KIF24: variants seen among roughly 807,000 people sequenced by gnomAD.
KIF24 encodes the protein kinesin family member 24, also known as kinesin-like protein KIF24.
In KIF24, 81 loss-of-function variants were observed where a neutral mutation model predicts 118.9. The observed-to-expected ratio is 0.68, with a 90% CI of 0.57 to 0.82. The LOEUF (loss-of-function observed/expected upper bound fraction) is 0.82, where lower values mean the gene tolerates loss of function less well. KIF24 is among the 40% of genes least tolerant of loss of function. The pLI, the probability that KIF24 is intolerant of heterozygous loss-of-function variation, is 0.00. For missense variants in KIF24, 1,560 were observed against 1,661.6 expected (o/e 0.94, Z 1.06); for synonymous variants, 599 against 610.0 (o/e 0.98, Z 0.27).
At position 34,290,336 on chromosome 9, in the gene KIF24, G is replaced by A. The variant is rs1417885222; in HGVS notation, c.965C>T (p.Thr322Ile). 2 of 1,613,738 alleles carry A rather than the reference G, an allele frequency of 1.2e-6. No homozygotes were observed. The highest frequency in any genetic ancestry group is 1.3e-5 in the African/African-American group (1 of 74,924). The change falls in exon 5 of 13, where the codon ACC (threonine) becomes ATC (isoleucine). Residue 322 changes from threonine to isoleucine, a missense_variant. Physicochemically the swap from Thr to Ile is moderately conservative, Grantham distance 89. Around this residue, in one of 3 missense-constraint regions of KIF24, gnomAD observed 964 missense variants for 988.0 expected, o/e 0.98. Coordinates refer to ENST00000402558, the MANE Select transcript of KIF24 (RefSeq NM_194313.4). ...TGGGTTCTCATGAGTTCCTATCATG[G>A]TGTAGGTCTTTCCAGCACCTGTCTG... ...YGQTGAGKTYTMIGTHENPGL... is the reference protein window; with the variant it reads ...YGQTGAGKTYIMIGTHENPGL...
At chr9:34,284,248 C>A (rs1443850929) in intron 6 of KIF24, among the ~76,000 whole-genome samples, 2 of 151,848 alleles carry the variant, frequency 1.3e-5, no homozygotes, top group Non-Finnish European at 2.9e-5. Context: ...CCAGCCTGGG[C>A]TGGACAGAGC....
chr9:34,266,553 C>A, intron 8 of KIF24, among the ~76,000 whole-genome samples: 2 of 151,964 alleles, frequency 1.3e-5, no homozygotes. Context: ...TGGCAGGTGC[C>A]TGTAATCCCA....
At chr9:34,310,049 A>C (rs1032116000) in intron 2 of KIF24, among the ~76,000 whole-genome samples, 2 of 150,896 alleles carry the variant, frequency 1.3e-5, no homozygotes, top group Non-Finnish European at 2.9e-5. Flanking sequence ...TTGTTATTTC[A>C]CCTCTTAGGG....
intron 5 of KIF24, among the ~76,000 whole-genome samples, chr9:34,287,075 GCT>G (rs1435995324): frequency 6.6e-6 from 1 of 152,178 alleles, no homozygotes; most frequent in African/African-American, 2.4e-5. Flanking sequence ...GTGAAGTGAT[GCT>G]CTCTCTCTGT....
At chr9:34,284,263 C>A (rs1835956813) in intron 6 of KIF24, among the ~76,000 whole-genome samples, 1 of 151,896 alleles carries the variant, frequency 6.6e-6, no homozygotes, top group African/African-American at 2.4e-5. Flanking sequence ...CAGAGCAAGA[C>A]CCTGTCTCTA....
In KIF24 at chr9:34,257,512, G is replaced by A. The variant is rs761103911; in HGVS notation, c.2095C>T (p.Leu699=). The A allele has an allele frequency of 1.2e-6, 2 of 1,614,092 alleles. No individual in the cohort carries two copies. Among genetic ancestry groups the A allele is most frequent in the Admixed American group, 3.3e-5 (2 of 60,030 alleles). ...GPGEGLVRGK[L]STKCKKVQTV... ...TGCACTTTCTTGCACTTGGTGGACA[G>A]CTTACCACGCACTAGGCCTTCTCCT... Residue 699 remains leucine (L), a synonymous_variant, in exon 11 of 13, where the codon CTG becomes TTG. Transcript: ENST00000402558.
chr9:34,294,145 G>T (rs1304042160), intron 4 of KIF24, among the ~76,000 whole-genome samples: 1 of 152,052 alleles, frequency 6.6e-6, no homozygotes, highest in Non-Finnish European at 1.5e-5. Context: ...TTTAGAGATA[G>T]GGTCTCACTA....
In KIF24 at chr9:34,257,100, A is replaced by G; in HGVS notation, c.2507T>C (p.Ile836Thr). 6.2e-7 allele frequency: 1 copy of G among 1,613,928 alleles called. No individual in the cohort carries two copies. Among genetic ancestry groups the G allele is most frequent in the Non-Finnish European group, 8.5e-7 (1 of 1,179,866 alleles). Residue 836 changes from isoleucine to threonine, a missense_variant, in exon 11 of 13, where the codon ATC (isoleucine) becomes ACC (threonine). Physicochemically the swap from Ile to Thr is moderately conservative, Grantham distance 89. This residue lies in a region of KIF24 where 591 missense variants were observed against 655.6 expected (regional missense o/e 0.90). Transcript: ENST00000402558. ...SDFSEDSFSHISSQRATKQRN... is the reference protein window; with the variant it reads ...SDFSEDSFSHTSSQRATKQRN... Reference sequence around the variant, plus strand: ...TTGCTTTGTGGCCCTCTGACTAGAGATGTGTGAAAAAGAATCTTCACTGAA... The same window carrying G: ...TTGCTTTGTGGCCCTCTGACTAGAGGTGTGTGAAAAAGAATCTTCACTGAA...
chr9:34,294,217 G>A (rs1370293713), intron 4 of KIF24, among the ~76,000 whole-genome samples: 2 of 152,134 alleles, frequency 1.3e-5, no homozygotes, highest in East Asian at 1.9e-4. Context: ...GCCTCCCACA[G>A]TGTGAAATTA....
At chr9:34,260,545 AGT>A (rs1408253043) in intron 9 of KIF24, among the ~76,000 whole-genome samples, 2 of 152,240 alleles carry the variant, frequency 1.3e-5, no homozygotes, top group East Asian at 3.8e-4. Context: ...CTAACGTAGC[AGT>A]GTGTGGTTAT....
In KIF24 at chr9:34,259,602, G is replaced by A; in HGVS notation, c.1619C>T (p.Ala540Val). ...TEHTLNTLRY[A>V]DRVKELKKGI... ...CATCTGGGAGCTGACTTACCGGTCA[G>A]CATAGCGCAAGGTGTTGAGAGTGTG... The change falls in exon 10 of 13, where the codon GCT becomes GTT. Residue 540 changes from alanine to valine, a missense_variant. Coordinates refer to ENST00000402558, the MANE Select transcript of KIF24 (RefSeq NM_194313.4). 3 of 1,613,150 alleles carry A rather than the reference G, an allele frequency of 1.9e-6. No homozygotes were observed. The highest frequency in any genetic ancestry group is 8.5e-7 in the Non-Finnish European group (1 of 1,179,166).
intron 3 of KIF24, among the ~76,000 whole-genome samples, chr9:34,300,360 A>C (rs948223114): frequency 1.3e-5 from 2 of 151,876 alleles, no homozygotes; most frequent in African/African-American, 2.4e-5. Context: ...ACATATTTTT[A>C]AAATCTGGTG....
rs1837403687 is a variant in KIF24 at position 34,318,526 on chromosome 9, C to T, written c.-25-7155G>A. On this transcript the variant is annotated intron_variant, in intron 1 of 12. Transcript: ENST00000402558. The surrounding 1 kb of genome is among the most constrained non-coding windows in gnomAD (Gnocchi z 4.9). The stretch of plus-strand genomic sequence containing the variant: ...CAGAGAAGCTGAGCCCCAAGGCAGC[C>T]ACGCTGGCCGAACACAGCGCCGGCC... 2.1e-6 allele frequency: 2 copies of T among 968,784 alleles called. No homozygotes were observed. Among genetic ancestry groups the T allele is most frequent in the Non-Finnish European group, 3.2e-6 (2 of 619,156 alleles). 60.0% of individuals were successfully genotyped at this position (968,784 alleles called of 1,614,324 possible).
At chr9:34,294,665 TACTC>T (rs1330579351) in intron 4 of KIF24, among the ~76,000 whole-genome samples, 2 of 152,210 alleles carry the variant, frequency 1.3e-5, no homozygotes, top group African/African-American at 4.8e-5. Flanking sequence ...AAGGGAATAT[TACTC>T]AGCAATGAAA....
intron 1 of KIF24, among the ~76,000 whole-genome samples, chr9:34,313,111 T>G (rs1052916092): frequency 6.6e-6 from 1 of 152,206 alleles, no homozygotes; most frequent in Non-Finnish European, 1.5e-5. Context: ...AGGCTAGCCT[T>G]GTGACTTGTT....
chr9:34,259,530 C>A (rs1032282827), intron 10 of KIF24, 66 bp downstream of exon 10: 12 of 1,194,622 alleles, frequency 1.0e-5, no homozygotes, highest in Non-Finnish European at 1.4e-5. Context: ...CATGCTCACA[C>A]ACGCGTGCTG....
At chr9:34,271,773 G>A in intron 7 of KIF24, 36 bp downstream of exon 7, 2 of 1,607,952 alleles carry the variant, frequency 1.2e-6, no homozygotes, top group Non-Finnish European at 1.7e-6. Flanking sequence ...TTAAAGGAAA[G>A]GCAGACAATG....
chr9:34,321,946 C>T lies in KIF24; in HGVS notation c.-26+7160G>A, dbSNP rs1202922307. Among the ~76,000 whole-genome samples, 4 of 152,072 alleles carry T rather than the reference C, an allele frequency of 2.6e-5. No individual in the cohort carries two copies. In the East Asian group the frequency reaches 7.7e-4, roughly 29 times the overall value. ...TAAGATTTTTTTAAAAGGAGTCCTA[C>T]AGCTAGCCAGGTCAACAGAGATAAT... On this transcript the variant is annotated intron_variant, in intron 1 of 12. Coordinates refer to ENST00000402558, the MANE Select transcript of KIF24 (RefSeq NM_194313.4).
intron 3 of KIF24, among the ~76,000 whole-genome samples, chr9:34,297,876 T>G (rs1836546833): frequency 6.6e-6 from 1 of 152,174 alleles, no homozygotes. Flanking sequence ...GCACATACAT[T>G]GCAGTAGGCA....
Sources: gnomAD v4.1 joint callset for allele counts (sites outside exome capture counted in the v4.1 genomes callset) on GRCh38, gnomAD v4.1.1 for gene constraint, gnomAD v4.1.1 regional missense constraint, Gnocchi (gnomAD v3.1) non-coding constraint, MANE v1.5 for transcripts, NCBI Gene and HGNC (gene_info 2026-07-23, HGNC 2026-07-21) for gene names.